PLCL1: variants seen among roughly 807,000 people sequenced by gnomAD.
The protein encoded by PLCL1 is inactive phospholipase C-like protein 1.
PLCL1 carries 41 observed loss-of-function variants against 84.4 expected under a neutral mutation model. The ratio of observed to expected loss-of-function variants is 0.49; its 90% confidence interval spans 0.38 to 0.63. The LOEUF (loss-of-function observed/expected upper bound fraction) is 0.63. Among genes scored for constraint, PLCL1 ranks in the 30% least tolerant of loss-of-function variants. The pLI is 0.00. For synonymous variants in PLCL1, 490 were observed against 488.3 expected (o/e 1.00, Z -0.05); for missense variants, 1,206 against 1,367.8 (o/e 0.88, Z 1.87).
intron 1 of PLCL1, among the ~76,000 whole-genome samples, chr2:197,949,326 G>A (rs768418252): frequency 6.6e-6 from 1 of 152,126 alleles, no homozygotes; most frequent in Non-Finnish European, 1.5e-5. Context: ...TGAGCAGGTG[G>A]AATCTCTCCC....
At chr2:197,824,713 C>CAAAAAAAAAAAAAAAAAAAAAAAAAAA (rs1163183876) in intron 1 of PLCL1, among the ~76,000 whole-genome samples, 1 of 55,544 alleles carries the variant, frequency 1.8e-5, no homozygotes, top group Non-Finnish European at 3.8e-5. Context: ...GACCCTGTCT[C>CAAAAAAAAAAAAAAAAAAAAAAAAAAA]AAAAAAAAAA....
intron 1 of PLCL1, among the ~76,000 whole-genome samples, chr2:197,855,334 C>T (rs1190343077): frequency 2.0e-5 from 3 of 152,150 alleles, no homozygotes; most frequent in Non-Finnish European, 2.9e-5. Context: ...GCCGCTTAAT[C>T]CCCACATGTG....
intron 1 of PLCL1, among the ~76,000 whole-genome samples, chr2:197,823,879 G>A (rs537102794): frequency 1.3e-5 from 2 of 152,188 alleles, no homozygotes; most frequent in South Asian, 2.1e-4. Context: ...CACTCTCTCT[G>A]TTCTTTCTTG....
chr2:198,146,329 A>G (rs1694515355), intron 5 of PLCL1, among the ~76,000 whole-genome samples: 1 of 152,172 alleles, frequency 6.6e-6, no homozygotes, highest in African/African-American at 2.4e-5. Flanking sequence ...TACAGAAGAC[A>G]CTTTGCTTTG....
chr2:198,051,155 G>T (rs996061510), intron 1 of PLCL1, among the ~76,000 whole-genome samples: 14 of 152,154 alleles, frequency 9.2e-5, no homozygotes, highest in African/African-American at 2.9e-4. Context: ...AAACTCATTA[G>T]AAAGGGAACT....
chr2:198,142,147 A>G (rs1008785500), intron 5 of PLCL1, among the ~76,000 whole-genome samples: 1 of 152,090 alleles, frequency 6.6e-6, no homozygotes, highest in Non-Finnish European at 1.5e-5. Context: ...TGGGGGGAGG[A>G]CTGCATTTTT....
At chr2:198,079,358 G>A (rs1042826829) in intron 1 of PLCL1, among the ~76,000 whole-genome samples, 4 of 151,696 alleles carry the variant, frequency 2.6e-5, no homozygotes, top group African/African-American at 9.7e-5. Flanking sequence ...ATCATGATTG[G>A]TATCCTATTC....
At chr2:198,127,273 G>T (rs1694010879) in intron 5 of PLCL1, among the ~76,000 whole-genome samples, 1 of 152,098 alleles carries the variant, frequency 6.6e-6, no homozygotes, top group Non-Finnish European at 1.5e-5. Flanking sequence ...ACCAAGTAGA[G>T]GAAAGAATGT....
chr2:197,939,630 C>A (rs1689117437), intron 1 of PLCL1, among the ~76,000 whole-genome samples: 1 of 151,960 alleles, frequency 6.6e-6, no homozygotes, highest in African/African-American at 2.4e-5. Context: ...AGTAGGGCCA[C>A]CCTAATGACC....
chr2:197,988,682 A>C (rs796611880), intron 1 of PLCL1, among the ~76,000 whole-genome samples: 1 of 152,262 alleles, frequency 6.6e-6, no homozygotes, highest in African/African-American at 2.4e-5. Context: ...TGCAATAAAC[A>C]TTTGTGTGCA....
chr2:198,037,191 C>T (rs1172848462), intron 1 of PLCL1, among the ~76,000 whole-genome samples: 1 of 152,088 alleles, frequency 6.6e-6, no homozygotes, highest in Non-Finnish European at 1.5e-5. Context: ...AATTAAAATC[C>T]ATTGCTAGCA....
chr2:197,997,517 C>T (rs188967804), intron 1 of PLCL1, among the ~76,000 whole-genome samples: 37 of 152,276 alleles, frequency 2.4e-4, no homozygotes, highest in African/African-American at 8.7e-4. Context: ...ATTTGTTCAT[C>T]GAGCTGGTCC....
chr2:197,991,827 G>A (rs1202818520), intron 1 of PLCL1, among the ~76,000 whole-genome samples: 1 of 152,068 alleles, frequency 6.6e-6, no homozygotes, highest in East Asian at 1.9e-4. Context: ...AAGCATGGTG[G>A]GGTATGTCAT....
chr2:198,118,417 C>T (rs1386765833), intron 5 of PLCL1, among the ~76,000 whole-genome samples: 1 of 151,886 alleles, frequency 6.6e-6, no homozygotes, highest in African/African-American at 2.4e-5. Flanking sequence ...AATAAAGTGA[C>T]TACTACTGTC....
At chr2:198,077,114 T>C (rs1163594038) in intron 1 of PLCL1, among the ~76,000 whole-genome samples, 1 of 152,168 alleles carries the variant, frequency 6.6e-6, no homozygotes, top group Non-Finnish European at 1.5e-5. Flanking sequence ...CCACTTTATC[T>C]CACTTAGTAT....
chr2:197,809,809 A>AGTGTGT (rs3056067), intron 1 of PLCL1, among the ~76,000 whole-genome samples: 12 of 146,654 alleles, frequency 8.2e-5, no homozygotes, highest in South Asian at 4.5e-4. Context: ...GAGCTCTGAA[A>AGTGTGT]GTGTGTGTGT....
At chr2:197,979,058 T>C (rs1690049004) in intron 1 of PLCL1, among the ~76,000 whole-genome samples, 2 of 152,232 alleles carry the variant, frequency 1.3e-5, no homozygotes, top group African/African-American at 2.4e-5. Flanking sequence ...CTAATATCAT[T>C]TGAACAATTT....
chr2:198,010,800 TA>T (rs146816100), intron 1 of PLCL1, among the ~76,000 whole-genome samples: 3,972 of 151,594 alleles, frequency 0.026, 172 homozygotes, highest in African/African-American at 0.085. Flanking sequence ...TTTGGAAGGT[TA>T]TTTTTTTTTT....
At chr2:198,067,354 C>G (rs971694929) in intron 1 of PLCL1, among the ~76,000 whole-genome samples, 5 of 152,104 alleles carry the variant, frequency 3.3e-5, no homozygotes, top group African/African-American at 1.2e-4. Context: ...TCTCGAACTC[C>G]TAACCTCAGG....
Sources: allele counts gnomAD v4.1 joint callset (sites outside exome capture counted in the v4.1 genomes callset), GRCh38; gene constraint gnomAD v4.1.1; transcripts MANE v1.5; gene names NCBI Gene and HGNC (gene_info 2026-07-23, HGNC 2026-07-21).